The following STON1 variants were observed in gnomAD, a reference collection of about 807,000 sequenced individuals.
STON1 encodes stonin-1.
STON1 carries 79 observed loss-of-function variants against 60.9 expected under a neutral mutation model. That is an observed-to-expected ratio of 1.30 (90% CI 1.08 to 1.56). The LOEUF (loss-of-function observed/expected upper bound fraction) is 1.56, where lower values mean the gene tolerates loss of function less well. Among genes scored for constraint, STON1 ranks in the 40% most tolerant of loss-of-function variants. The pLI is 0.00. For synonymous variants in STON1, 363 were observed against 306.9 expected, an observed-to-expected ratio of 1.18 and a Z score of -1.91; for missense variants, 1,166 against 858.9, an observed-to-expected ratio of 1.36 and a Z score of -4.47.
rs1572657453 is a variant in STON1, at chr2:48,596,023, G to T, written c.*721G>T. ...AGACATATTTCCTTTCACTTGGCAGGATTCCTTTCAAAATGGAATCTGAGT... is the reference window on the plus strand; with the variant it reads ...AGACATATTTCCTTTCACTTGGCAGTATTCCTTTCAAAATGGAATCTGAGT... On this transcript the variant is annotated 3_prime_UTR_variant, in exon 4 of 4. Coordinates refer to ENST00000404752, the MANE Select transcript of STON1 (RefSeq NM_006873.4). 1 of 152,188 alleles carries T rather than the reference G, an allele frequency of 6.6e-6. No individual in the cohort carries two copies. Among genetic ancestry groups the T allele is most frequent in the East Asian group, 1.9e-4 (1 of 5,192 alleles). 9.4% of individuals were successfully genotyped at this position (152,188 alleles called of 1,614,324 possible).
At chr2:48,538,986 T>G (rs546815539) in intron 1 of STON1, among the ~76,000 whole-genome samples, 1 of 151,804 alleles carries the variant, frequency 6.6e-6, no homozygotes, top group African/African-American at 2.4e-5. Context: ...GGCACCATCA[T>G]AGCTCACTGC....
In STON1 at chr2:48,596,503, T is replaced by G. The variant is rs1674786305; in HGVS notation, c.*1201T>G. On this transcript the variant is annotated 3_prime_UTR_variant, in exon 4 of 4. Transcript: ENST00000404752. ...TATATTCCAGGTATTGTTTTTAGTC[T>G]GAAAAACAAACTCCCCCATGTGGTA... 1 of 152,220 alleles carries G rather than the reference T, an allele frequency of 6.6e-6. No individual in the cohort carries two copies. Among genetic ancestry groups the G allele is most frequent in the Non-Finnish European group, 1.5e-5 (1 of 68,032 alleles). The allele number at this position is 152,220 out of a possible 1,614,324, so 9.4% of individuals were successfully genotyped here. A position where few individuals can be genotyped will look rare whatever the true frequency, so the allele number is the denominator to read the frequency against.
chr2:48,566,092 T>A (rs889421362), intron 1 of STON1, among the ~76,000 whole-genome samples: 2 of 152,246 alleles, frequency 1.3e-5, no homozygotes, highest in African/African-American at 2.4e-5. Flanking sequence ...AATAGATTTT[T>A]AATTGGTAAT....
chr2:48,567,286 C>A (rs1337956779), intron 1 of STON1, among the ~76,000 whole-genome samples: 1 of 152,198 alleles, frequency 6.6e-6, no homozygotes, highest in Non-Finnish European at 1.5e-5. Flanking sequence ...TCTCCCATGA[C>A]CTAAGATGAA....
chr2:48,563,448 GA>G (rs1265638266), intron 1 of STON1, among the ~76,000 whole-genome samples: 1 of 152,222 alleles, frequency 6.6e-6, no homozygotes, highest in Non-Finnish European at 1.5e-5. Context: ...CCCAGGAAAA[GA>G]ATCTGTGGCT....
chr2:48,563,952 G>C (rs545440163), intron 1 of STON1, among the ~76,000 whole-genome samples: 84 of 150,506 alleles, frequency 5.6e-4, no homozygotes, highest in Non-Finnish European at 3.3e-4. Flanking sequence ...ACCCACCTCA[G>C]CCCTCCAAAG....
At chr2:48,582,715 T>C (rs899636082) in intron 2 of STON1, 152 bp downstream of exon 2, 1 of 1,338,616 alleles carries the variant, frequency 7.5e-7, no homozygotes, top group Non-Finnish European at 1.0e-6. Flanking sequence ...GCTAAACAGC[T>C]GGTTTATTTG....
chr2:48,585,707 G>C (rs75693406), intron 2 of STON1, among the ~76,000 whole-genome samples: 10,162 of 152,284 alleles, frequency 0.067, 476 homozygotes, highest in Non-Finnish European at 0.1. Flanking sequence ...CAAAATCAGA[G>C]TATTAGCTTT....
intron 1 of STON1, chr2:48,531,998 A>G (rs186037095): frequency 2.6e-5 from 4 of 152,226 alleles, no homozygotes; most frequent in East Asian, 1.9e-4. Flanking sequence ...ACAGTTCCCC[A>G]TTGGTATGAA....
intron 1 of STON1, among the ~76,000 whole-genome samples, chr2:48,564,509 T>TTCTTCTTCTCCTTCTCCTTCTCCTTCTC (rs1672809137): frequency 3.4e-5 from 1 of 29,634 alleles, no homozygotes; most frequent in Non-Finnish European, 6.4e-5. Context: ...TTCTTCTTCT[T>TTCTTCTTCTCCTTCTCCTTCTCCTTCTC]CTTCTTCTTC....
rs772956611 is a variant in STON1 at position 48,581,797 on chromosome 2, C to G, written c.1164C>G (p.Asp388Glu). Reference sequence around the variant, plus strand: ...CCACATCGTACCATGACTTCCTTGACTTTCTGACTACTGTGGAGGAGGAGC... The same window carrying G: ...CCACATCGTACCATGACTTCCTTGAGTTTCTGACTACTGTGGAGGAGGAGC... ...LGSTSYHDFLDFLTTVEEELM... is the reference protein window; with the variant it reads ...LGSTSYHDFLEFLTTVEEELM... Residue 388 changes from aspartate (D) to glutamate (E), a missense_variant, in exon 2 of 4, where the codon GAC becomes GAG. Physicochemically the swap from Asp to Glu is conservative, Grantham distance 45. Transcript: ENST00000404752. 2 of 1,614,196 alleles carry G rather than the reference C, an allele frequency of 1.2e-6. No homozygotes were observed. Among genetic ancestry groups the G allele is most frequent in the Non-Finnish European group, 1.7e-6 (2 of 1,180,038 alleles).
chr2:48,545,913 T>C (rs994067325), intron 1 of STON1, among the ~76,000 whole-genome samples: 4 of 152,230 alleles, frequency 2.6e-5, no homozygotes, highest in African/African-American at 9.6e-5. Flanking sequence ...ACCAAGTCAC[T>C]GTGGAGAATG....
At chr2:48,567,176 G>A (rs528213557) in intron 1 of STON1, among the ~76,000 whole-genome samples, 2 of 152,316 alleles carry the variant, frequency 1.3e-5, no homozygotes, top group Non-Finnish European at 2.9e-5. Context: ...GTTATTCCCT[G>A]TCACATAGCT....
chr2:48,581,695 C>A lies in STON1; in HGVS notation c.1062C>A (p.Tyr354Ter), dbSNP rs772785869. 2 of 1,610,460 alleles carry A rather than the reference C, an allele frequency of 1.2e-6. No individual in the cohort carries two copies. The highest frequency in any genetic ancestry group is 4.5e-5 in the East Asian group (2 of 44,890). Residue 354 changes from tyrosine to a stop codon, truncating the protein, a stop_gained, in exon 2 of 4, where the codon TAC becomes TAA. Transcript: ENST00000404752. LOFTEE classifies it high-confidence loss of function. ...CTGTGAAGATTGAACATGTGTCTTA[C>A]ACAGAAAAAAGGAAATACCATTCTA... ...IHTVKIEHVS[Y>*]TEKRKYHSKT...
At chr2:48,559,654 G>T (rs1200760108) in intron 1 of STON1, among the ~76,000 whole-genome samples, 4 of 152,180 alleles carry the variant, frequency 2.6e-5, no homozygotes, top group African/African-American at 4.8e-5. Flanking sequence ...GAAGTAACTT[G>T]CTCCATGTCA....
rs1056847619 is a variant in STON1, at chr2:48,550,057, G to A, written c.-48+19841G>A. On this transcript the variant is annotated intron_variant, in intron 1 of 3. Coordinates refer to ENST00000404752, the MANE Select transcript of STON1 (RefSeq NM_006873.4). ...CCCCCTGGGCAGTGAGGTGACTTCT[G>A]GGATCTAGTAGATGCTCTAGTTGAG... is the stretch of plus-strand genomic sequence containing the variant. Among the ~76,000 whole-genome samples the A allele has an allele frequency of 7.4e-4, 112 of 151,892 alleles. 1 individual carries two copies. Among genetic ancestry groups the A allele is most frequent in the African/African-American group, 2.6e-3 (108 of 41,358 alleles).
chr2:48,564,496 TTCTTCTTCTTC>T (rs1672803255), intron 1 of STON1, among the ~76,000 whole-genome samples: 1 of 20,812 alleles, frequency 4.8e-5, no homozygotes. Context: ...CTTCTTCTTC[TTCTTCTTCTTC>T]TTCTTCTTCT....
At chr2:48,569,593 C>T (rs1054270318) in intron 1 of STON1, among the ~76,000 whole-genome samples, 11 of 152,368 alleles carry the variant, frequency 7.2e-5, no homozygotes, top group African/African-American at 2.6e-4. Context: ...ATAAATGAGA[C>T]ATGCTCTTTC....
In STON1 at chr2:48,557,433, C is replaced by G. The variant is rs56237332; in HGVS notation, c.-47-23154C>G. ...AGATGTGATGGCGGCCGGGCAGAGA[C>G]GCTCCTCACTTTCCAGACTGGGCAG... On this transcript the variant is annotated intron_variant, in intron 1 of 3. Transcript: ENST00000404752. Among the ~76,000 whole-genome samples, 19 of 89,778 alleles carry G rather than the reference C, an allele frequency of 2.1e-4. 5 individuals are homozygous for G. Among genetic ancestry groups the G allele is most frequent in the Non-Finnish European group, 4.0e-4 (15 of 37,164 alleles). 58.9% of individuals were successfully genotyped at this position (89,778 alleles called of 152,430 possible).
Sources: gnomAD v4.1 joint callset for allele counts (sites outside exome capture counted in the v4.1 genomes callset) on GRCh38, gnomAD v4.1.1 for gene constraint, MANE v1.5 for transcripts, NCBI Gene and HGNC (gene_info 2026-07-23, HGNC 2026-07-21) for gene names.